KAZN: variants seen among roughly 807,000 people sequenced by gnomAD.
The protein encoded by KAZN is kazrin, periplakin interacting protein.
A neutral mutation model predicts 87.4 loss-of-function variants in KAZN; 40 were observed. That is an observed-to-expected ratio of 0.46 (90% CI 0.36 to 0.60). The LOEUF is 0.60. KAZN is among the 20% of genes least tolerant of loss of function. The probability of loss-of-function intolerance (pLI) is 0.00; values close to 1 mark genes in which losing one functional copy is unlikely to be tolerated. For synonymous variants in KAZN, 466 were observed against 458.3 expected, an observed-to-expected ratio of 1.02 and a Z score of -0.22; for missense variants, 898 against 1,073.9, an observed-to-expected ratio of 0.84 and a Z score of 2.29.
chr1:14,400,367 G>GA (rs1457931328), intron 2 of KAZN, among the ~76,000 whole-genome samples: 1 of 152,170 alleles, frequency 6.6e-6, no homozygotes, highest in East Asian at 1.9e-4. Flanking sequence ...TGTAGGACTA[G>GA]AAAGACACTT....
intron 1 of KAZN, among the ~76,000 whole-genome samples, chr1:14,087,081 C>T (rs900256826): frequency 2.6e-5 from 4 of 152,098 alleles, no homozygotes; most frequent in Non-Finnish European, 5.9e-5. Flanking sequence ...CTAGGGAGAA[C>T]GGACGTCACC....
At chr1:14,834,565 G>A (rs182683693) in intron 1 of KAZN, among the ~76,000 whole-genome samples, 15 of 151,690 alleles carry the variant, frequency 9.9e-5, no homozygotes, top group Non-Finnish European at 1.9e-4. Context: ...GTTTCACCGT[G>A]TTAGCCAGGA....
intron 2 of KAZN, among the ~76,000 whole-genome samples, chr1:14,542,669 G>A (rs963762722): frequency 1.3e-5 from 2 of 152,180 alleles, no homozygotes; most frequent in African/African-American, 2.4e-5. Flanking sequence ...AGTGAGCATA[G>A]TATCGGATAG....
intron 2 of KAZN, among the ~76,000 whole-genome samples, chr1:14,361,559 C>T (rs1229923748): frequency 6.6e-6 from 1 of 152,200 alleles, no homozygotes; most frequent in Non-Finnish European, 1.5e-5. Context: ...TGCTTGAAAC[C>T]CAGGGCCCTG....
At chr1:13,977,116 G>A (rs1346725659) in intron 1 of KAZN, among the ~76,000 whole-genome samples, 1 of 152,220 alleles carries the variant, frequency 6.6e-6, no homozygotes, top group African/African-American at 2.4e-5. Flanking sequence ...GAGGTAGAGA[G>A]ATCCTTACCT....
chr1:14,479,835 C>G (rs1005421011), intron 2 of KAZN, among the ~76,000 whole-genome samples: 3 of 152,118 alleles, frequency 2.0e-5, no homozygotes, highest in African/African-American at 7.2e-5. Context: ...AAACAGAACC[C>G]CTACTTCAGC....
chr1:14,930,744 C>T (rs535064040), intron 1 of KAZN, among the ~76,000 whole-genome samples: 15 of 152,338 alleles, frequency 9.8e-5, no homozygotes, highest in East Asian at 5.8e-4. Context: ...GACGATTCCC[C>T]GGGCTACCAG....
chr1:14,993,546 T>C (rs953994497), intron 2 of KAZN, among the ~76,000 whole-genome samples: 1 of 151,332 alleles, frequency 6.6e-6, no homozygotes, highest in East Asian at 1.9e-4. Flanking sequence ...CTACCAAGAG[T>C]CTGCAGACCT....
At position 14,108,309 on chromosome 1, in the gene KAZN, G is replaced by A. The variant is rs558921846; in HGVS notation, c.92-72126G>A. On this transcript the variant is annotated intron_variant, in intron 1 of 16. Transcript: ENST00000636203. ...ATGTTTTGTGGCTCTCTCACAGCCC[G>A]TACTATAGAAGAGTATAGCTCCCTG... Among the ~76,000 whole-genome samples the A allele has an allele frequency of 3.9e-5, 6 of 152,196 alleles. No homozygotes were observed. The South Asian group carries it at 6.2e-4, about 16-fold the overall frequency.
chr1:14,619,086 A>G (rs1678486073), intron 1 of KAZN, among the ~76,000 whole-genome samples: 2 of 152,102 alleles, frequency 1.3e-5, no homozygotes, highest in Non-Finnish European at 2.9e-5. Context: ...TTGAGATGAG[A>G]GTAAATGAGA....
intron 2 of KAZN, among the ~76,000 whole-genome samples, chr1:14,509,814 T>C (rs1381958472): frequency 6.6e-6 from 1 of 152,096 alleles, no homozygotes; most frequent in Non-Finnish European, 1.5e-5. Context: ...GTCTGAAGGA[T>C]GGAGAAAGGG....
At chr1:14,299,451 C>T (rs188436557) in intron 2 of KAZN, among the ~76,000 whole-genome samples, 48 of 151,624 alleles carry the variant, frequency 3.2e-4, no homozygotes, top group East Asian at 1.2e-3. Flanking sequence ...TGCAGTGAGC[C>T]GAGATCACAC....
At chr1:14,304,056 G>A (rs998870322) in intron 2 of KAZN, among the ~76,000 whole-genome samples, 5 of 152,138 alleles carry the variant, frequency 3.3e-5, no homozygotes, top group African/African-American at 1.2e-4. Flanking sequence ...AGTATTGATG[G>A]TGGGGCTGTC....
At chr1:14,230,746 C>A (rs1647741588) in intron 2 of KAZN, among the ~76,000 whole-genome samples, 1 of 152,066 alleles carries the variant, frequency 6.6e-6, no homozygotes, top group East Asian at 1.9e-4. Flanking sequence ...GTCTATTCTC[C>A]CCCTTGGTGG....
Position 14,727,450 on chromosome 1 carries a change from CTTTTTTTTTTTTTTTTTTTTTTTTTTTTT to C in KAZN, c.226+128245_226+128273del, listed in dbSNP as rs57203868. 4.3e-4 allele frequency among the ~76,000 whole-genome samples: 32 copies of C among 73,922 alleles called. 1 individual carries two copies. The highest frequency in any genetic ancestry group is 5.5e-4 in the Admixed American group (3 of 5,462). The allele number at this position is 73,922 out of a possible 152,430, so 48.5% of individuals were successfully genotyped here. On this transcript the variant is annotated intron_variant, in intron 1 of 14. Coordinates refer to ENST00000376030, the MANE Select transcript of KAZN (RefSeq NM_201628.3). ...GTCCATCACATTTATTGTGCACTTT[CTTTTTTTTTTTTTTTTTTTTTTTTTTTTT>C]TTTTTTTTTTTTTTTTTGAGAAAGA... is the stretch of plus-strand genomic sequence containing the variant.
chr1:14,282,694 G>A (rs1652935344), intron 2 of KAZN, among the ~76,000 whole-genome samples: 1 of 152,152 alleles, frequency 6.6e-6, no homozygotes, highest in Non-Finnish European at 1.5e-5. Context: ...TTTCACTGCA[G>A]AAGTCAGGCC....
At chr1:14,523,753 T>A (rs549219650) in intron 2 of KAZN, among the ~76,000 whole-genome samples, 5 of 152,260 alleles carry the variant, frequency 3.3e-5, no homozygotes, top group Admixed American at 3.3e-4. Flanking sequence ...CGATGGTACA[T>A]GAAGCTAATG....
intron 1 of KAZN, among the ~76,000 whole-genome samples, chr1:14,123,130 A>G (rs1337317648): frequency 2.0e-5 from 3 of 152,224 alleles, no homozygotes; most frequent in African/African-American, 7.2e-5. Flanking sequence ...TTGGGCAGCC[A>G]GAGTCTCTTC....
At chr1:15,060,084 C>A in intron 5 of KAZN, 88 bp from the exon 6 acceptor site, 1 of 1,529,290 alleles carries the variant, frequency 6.5e-7, no homozygotes, top group Non-Finnish European at 8.9e-7. Flanking sequence ...ATCTGTAGAA[C>A]GGGGGTGTTG....
Sources: allele counts gnomAD v4.1 joint callset (sites outside exome capture counted in the v4.1 genomes callset), GRCh38; gene constraint gnomAD v4.1.1; transcripts MANE v1.5; gene names NCBI Gene and HGNC (gene_info 2026-07-23, HGNC 2026-07-21).